The following ARL13B variants were observed in gnomAD, a reference collection of about 807,000 sequenced individuals.
ARL13B encodes ARF like GTPase 13B.
Under a neutral mutation model 56.1 loss-of-function variants are expected in ARL13B, and 36 were observed. The ratio of observed to expected loss-of-function variants is 0.64; its 90% CI spans 0.49 to 0.85. The LOEUF (loss-of-function observed/expected upper bound fraction) is 0.85. ARL13B is among the 40% of genes least tolerant of loss of function. The pLI is 0.00. For missense variants in ARL13B, 519 were observed against 507.1 expected (o/e 1.02, Z -0.23); for synonymous variants, 178 against 171.1 (o/e 1.04, Z -0.32).
intron 9 of ARL13B, among the ~76,000 whole-genome samples, chr3:94,052,169 A>G (rs1452214560): frequency 1.3e-5 from 2 of 152,174 alleles, no homozygotes; most frequent in Admixed American, 1.3e-4. Context: ...ATTTATATGT[A>G]CACACATACA....
chr3:94,015,797 G>T (rs192648064), intron 3 of ARL13B, among the ~76,000 whole-genome samples: 32 of 152,172 alleles, frequency 2.1e-4, no homozygotes, highest in Non-Finnish European at 3.8e-4. Context: ...GGATAATATT[G>T]AATTTATTTT....
At chr3:94,027,804 T>C (rs2076588763) in intron 3 of ARL13B, among the ~76,000 whole-genome samples, 1 of 152,124 alleles carries the variant, frequency 6.6e-6, no homozygotes, top group Admixed American at 6.5e-5. Context: ...AGTTGAAATA[T>C]TATAAAGGTT....
At chr3:93,984,275 G>A (rs1471453187) in intron 1 of ARL13B, among the ~76,000 whole-genome samples, 1 of 151,922 alleles carries the variant, frequency 6.6e-6, no homozygotes. Context: ...AGAATCACTT[G>A]AACCTGGGAG....
At chr3:94,028,830 CA>C (rs2076609455) in intron 3 of ARL13B, among the ~76,000 whole-genome samples, 1 of 151,926 alleles carries the variant, frequency 6.6e-6, no homozygotes, top group Non-Finnish European at 1.5e-5. Flanking sequence ...CTATAGATAT[CA>C]AAACTTACTA....
At chr3:94,013,218 G>A (rs34533857) in intron 3 of ARL13B, among the ~76,000 whole-genome samples, 12,348 of 152,108 alleles carry the variant, frequency 0.081, 628 homozygotes, top group Middle Eastern at 0.19. Flanking sequence ...AAAGGTCTTC[G>A]CTGACTACCC....
chr3:94,053,102 C>A, intron 9 of ARL13B, 85 bp from the exon 10 acceptor site: 1 of 1,089,392 alleles, frequency 9.2e-7, no homozygotes, highest in Non-Finnish European at 1.4e-6. Flanking sequence ...TCTAAAATGT[C>A]TAAAGTCTAA....
intron 1 of ARL13B, among the ~76,000 whole-genome samples, chr3:93,986,785 A>G (rs1255781206): frequency 6.6e-6 from 1 of 152,146 alleles, no homozygotes; most frequent in Middle Eastern, 3.2e-3. Flanking sequence ...CCTGGCCAAC[A>G]TAGTGAAACC....
At chr3:94,004,645 AT>A (rs997056030) in intron 3 of ARL13B, among the ~76,000 whole-genome samples, 3 of 151,718 alleles carry the variant, frequency 2.0e-5, no homozygotes, top group Non-Finnish European at 4.4e-5. Context: ...AAAAAAAAAA[AT>A]CAACCTGTCA....
At chr3:93,993,194 C>T (rs989653068) in intron 1 of ARL13B, among the ~76,000 whole-genome samples, 6 of 152,002 alleles carry the variant, frequency 3.9e-5, no homozygotes, top group African/African-American at 1.5e-4. Context: ...GGCGTGATCT[C>T]GGCTCATTGC....
chr3:94,038,610 G>A (rs1363964042), intron 5 of ARL13B, among the ~76,000 whole-genome samples: 3 of 137,098 alleles, frequency 2.2e-5, no homozygotes, highest in Non-Finnish European at 4.5e-5. Context: ...TGCAACCTCC[G>A]TCTCCCAGGT....
intron 3 of ARL13B, among the ~76,000 whole-genome samples, chr3:94,020,827 C>G (rs545330073): frequency 6.6e-6 from 1 of 152,080 alleles, no homozygotes; most frequent in Non-Finnish European, 1.5e-5. Flanking sequence ...AGCCGGTAAT[C>G]TTTTGTTTTT....
At chr3:94,002,222 A>T (rs1308066674) in intron 2 of ARL13B, among the ~76,000 whole-genome samples, 1 of 152,082 alleles carries the variant, frequency 6.6e-6, no homozygotes, top group Non-Finnish European at 1.5e-5. Flanking sequence ...TCTGTCCAGT[A>T]GGGTGGACCA....
intron 3 of ARL13B, among the ~76,000 whole-genome samples, chr3:94,029,346 T>TTA (rs1349464204): frequency 0.017 from 1,788 of 104,986 alleles, 79 homozygotes; most frequent in Admixed American, 0.048. Flanking sequence ...TTATTTTTTT[T>TTA]TTATTTTTTT....
At chr3:94,043,506 A>G in intron 7 of ARL13B, among the ~76,000 whole-genome samples, 1 of 134,414 alleles carries the variant, frequency 7.4e-6, no homozygotes, top group Non-Finnish European at 1.6e-5. Context: ...TTTGGGATAC[A>G]GCATAGCTCT....
intron 2 of ARL13B, among the ~76,000 whole-genome samples, chr3:94,002,998 T>C (rs553671127): frequency 6.6e-6 from 1 of 152,286 alleles, no homozygotes; most frequent in Non-Finnish European, 1.5e-5. Context: ...TTATTGTCAT[T>C]ATCACTCCTT....
In ARL13B at chr3:94,015,215, T is replaced by C. The variant is rs779296512; in HGVS notation, c.380+11307T>C. Reference sequence around the variant, plus strand: ...TCTGTAGTTGATACATGACTGTCTCTAGAGAGTTCAATTTCCTTTGTTCTC... The same window carrying C: ...TCTGTAGTTGATACATGACTGTCTCCAGAGAGTTCAATTTCCTTTGTTCTC... On this transcript the variant is annotated intron_variant, in intron 3 of 9. Coordinates refer to ENST00000394222, the MANE Select transcript of ARL13B (RefSeq NM_001174150.2). 4.1e-5 allele frequency: 66 copies of C among 1,596,180 alleles called. No individual in the cohort carries two copies. Among genetic ancestry groups the C allele is most frequent in the Admixed American group, 1.1e-4 (6 of 55,242 alleles).
At chr3:94,003,225 C>T (rs990407176) in intron 2 of ARL13B, among the ~76,000 whole-genome samples, 2 of 152,154 alleles carry the variant, frequency 1.3e-5, no homozygotes, top group African/African-American at 4.8e-5. Flanking sequence ...TAGCTTCTCT[C>T]ATTCTTTGAT....
Position 94,054,470 on chromosome 3 carries a change from A to C in ARL13B, c.*1207A>C, listed in dbSNP as rs2107214168. ...TTTAATAATAGATTCATAATGTTAC[A>C]TTTAATTGAAAACAAACCTTTATAT... On this transcript the variant is annotated 3_prime_UTR_variant, in exon 10 of 10. Coordinates refer to ENST00000394222, the MANE Select transcript of ARL13B (RefSeq NM_001174150.2). The C allele has an allele frequency of 2.8e-6, 1 of 357,486 alleles. No homozygotes were observed. The highest frequency in any genetic ancestry group is 7.6e-5 in the East Asian group (1 of 13,176). 22.1% of individuals were successfully genotyped at this position (357,486 alleles called of 1,614,324 possible).
chr3:93,991,006 A>C (rs191982200), intron 1 of ARL13B, among the ~76,000 whole-genome samples: 78 of 152,260 alleles, frequency 5.1e-4, no homozygotes, highest in African/African-American at 1.6e-3. Flanking sequence ...AAACATTTTA[A>C]ACTTTCATAG....
Sources: gnomAD v4.1 joint callset for allele counts (sites outside exome capture counted in the v4.1 genomes callset) on GRCh38, gnomAD v4.1.1 for gene constraint, MANE v1.5 for transcripts, NCBI Gene and HGNC (gene_info 2026-07-23, HGNC 2026-07-21) for gene names.